The following NCKAP5 variants were observed in gnomAD, a reference collection of about 807,000 sequenced individuals.
NCKAP5 encodes the protein NCK associated protein 5.
In NCKAP5, 92 loss-of-function variants were observed where a neutral mutation model predicts 167.0. The ratio of observed to expected loss-of-function variants is 0.55; its 90% CI spans 0.47 to 0.66. NCKAP5 has a LOEUF of 0.66. Ranked by LOEUF, NCKAP5 falls within the 30% of genes least tolerant of loss-of-function variation. The pLI, the probability that NCKAP5 is intolerant of heterozygous loss-of-function variation, is 0.00. For synonymous variants in NCKAP5, 891 were observed against 877.4 expected (o/e 1.02, Z -0.27); for missense variants, 2,378 against 2,315.0 (o/e 1.03, Z -0.56).
intron 4 of NCKAP5, among the ~76,000 whole-genome samples, chr2:133,231,819 A>T (rs571140676): frequency 6.2e-4 from 94 of 152,342 alleles, no homozygotes; most frequent in Non-Finnish European, 9.8e-4. Context: ...TGTACCAAAG[A>T]TTAATAAATC....
intron 8 of NCKAP5, among the ~76,000 whole-genome samples, chr2:132,918,930 G>A (rs1171246000): frequency 6.6e-6 from 1 of 152,202 alleles, no homozygotes; most frequent in Non-Finnish European, 1.5e-5. Flanking sequence ...CAAATACCCA[G>A]TATCAAACAA....
intron 2 of NCKAP5, among the ~76,000 whole-genome samples, chr2:133,544,469 AT>A (rs1686489818): frequency 6.6e-6 from 1 of 152,102 alleles, no homozygotes; most frequent in Admixed American, 6.6e-5. Flanking sequence ...TGACAATTTG[AT>A]TTTTTCCCCA....
chr2:132,830,820 T>C (rs1687469320), intron 11 of NCKAP5, among the ~76,000 whole-genome samples: 1 of 152,218 alleles, frequency 6.6e-6, no homozygotes, highest in Non-Finnish European at 1.5e-5. Flanking sequence ...CTATACAATA[T>C]GTGAAACTAT....
chr2:132,674,401 G>C (rs1292649082), intron 19 of NCKAP5, among the ~76,000 whole-genome samples: 1 of 152,194 alleles, frequency 6.6e-6, no homozygotes, highest in Non-Finnish European at 1.5e-5. Context: ...AACAGGATTT[G>C]AATTTCTGTC....
intron 12 of NCKAP5, among the ~76,000 whole-genome samples, chr2:132,791,468 T>G (rs1254415098): frequency 6.6e-6 from 1 of 152,236 alleles, no homozygotes; most frequent in Admixed American, 6.5e-5. Context: ...AGCCACATTA[T>G]AGGCCCCTCG....
At chr2:133,652,794 A>C in the NCKAP5 span, among the ~76,000 whole-genome samples, 1 of 152,096 alleles carries the variant, frequency 6.6e-6, no homozygotes, top group Non-Finnish European at 1.5e-5. Flanking sequence ...TTATTTTATC[A>C]CTGAGTTTAG....
chr2:133,054,834 C>T (rs747473922), intron 6 of NCKAP5, among the ~76,000 whole-genome samples: 34 of 152,122 alleles, frequency 2.2e-4, no homozygotes, highest in African/African-American at 9.7e-5. Flanking sequence ...AGGAAAATCA[C>T]GAGTCATATG....
At chr2:133,228,136 G>A (rs1430171) in intron 4 of NCKAP5, among the ~76,000 whole-genome samples, 43,363 of 152,088 alleles carry the variant, frequency 0.29, 7,132 homozygotes, top group Non-Finnish European at 0.37. Flanking sequence ...TGGGAGCAGG[G>A]TCATATAGCA....
intron 11 of NCKAP5, among the ~76,000 whole-genome samples, chr2:132,858,841 A>C (rs1368522367): frequency 1.3e-5 from 2 of 152,216 alleles, no homozygotes; most frequent in African/African-American, 2.4e-5. Flanking sequence ...AAATGCTTAT[A>C]TACCCATAGC....
intron 5 of NCKAP5, among the ~76,000 whole-genome samples, chr2:133,151,592 T>C (rs529636306): frequency 2.6e-5 from 4 of 152,248 alleles, no homozygotes; most frequent in Admixed American, 1.3e-4. Context: ...ACTATTACAA[T>C]GGCCAAAATC....
intron 6 of NCKAP5, among the ~76,000 whole-genome samples, chr2:133,102,535 G>A (rs2081549531): frequency 6.6e-6 from 1 of 152,158 alleles, no homozygotes; most frequent in Non-Finnish European, 1.5e-5. Context: ...AAACCGTTTT[G>A]TTAATTAGCT....
In NCKAP5 at chr2:132,890,136, A is replaced by G. The variant is rs72614493; in HGVS notation, c.580-11220T>C. Reference sequence around the variant, plus strand: ...AGATCAGAAAAGGTATTTCTCTAAAATACCAATTCAACTCATGGTTTGGCC... The same window carrying G: ...AGATCAGAAAAGGTATTTCTCTAAAGTACCAATTCAACTCATGGTTTGGCC... On this transcript the variant is annotated intron_variant, in intron 8 of 19. Coordinates refer to ENST00000409261, the MANE Select transcript of NCKAP5 (RefSeq NM_207363.3). Among the ~76,000 whole-genome samples the G allele has an allele frequency of 0.02, 3,012 of 152,292 alleles. 151 individuals carry two copies. The East Asian group carries it at 0.22, about 11-fold the overall frequency.
At chr2:133,162,183 A>G (rs909065564) in intron 5 of NCKAP5, among the ~76,000 whole-genome samples, 19 of 152,354 alleles carry the variant, frequency 1.2e-4, no homozygotes, top group African/African-American at 4.6e-4. Context: ...TTCTACATAA[A>G]TAGGCAAAAG....
intron 3 of NCKAP5, among the ~76,000 whole-genome samples, chr2:133,324,728 T>C (rs781446359): frequency 6.6e-6 from 1 of 152,202 alleles, no homozygotes; most frequent in Non-Finnish European, 1.5e-5. Context: ...TTTTTTTTCT[T>C]TTCTTTTTTG....
At chr2:133,162,423 G>A (rs950751028) in intron 5 of NCKAP5, among the ~76,000 whole-genome samples, 5 of 152,100 alleles carry the variant, frequency 3.3e-5, no homozygotes, top group African/African-American at 1.2e-4. Context: ...ATTGATCTAT[G>A]GAAAGTAGAA....
chr2:133,606,776 G>T, the NCKAP5 span, among the ~76,000 whole-genome samples: 3 of 150,126 alleles, frequency 2.0e-5, no homozygotes, highest in African/African-American at 7.5e-5. Context: ...TTTAGCCTGA[G>T]AGCTTTTCTA....
At chr2:133,046,266 CA>C (rs1198638768) in intron 6 of NCKAP5, among the ~76,000 whole-genome samples, 1 of 152,140 alleles carries the variant, frequency 6.6e-6, no homozygotes, top group African/African-American at 2.4e-5. Flanking sequence ...TTCTGCATTC[CA>C]AAAACTCAAA....
intron 3 of NCKAP5, among the ~76,000 whole-genome samples, chr2:133,437,181 G>A (rs1477551594): frequency 8.6e-5 from 13 of 151,898 alleles, no homozygotes; most frequent in African/African-American, 2.7e-4. Context: ...GTGAAACCCC[G>A]TCTCTACTAG....
chr2:133,086,289 T>G (rs923019013), intron 6 of NCKAP5, among the ~76,000 whole-genome samples: 5 of 152,156 alleles, frequency 3.3e-5, no homozygotes, highest in Non-Finnish European at 7.4e-5. Flanking sequence ...AACAGCTATT[T>G]TTATCTGATG....
Sources: allele counts gnomAD v4.1 joint callset (sites outside exome capture counted in the v4.1 genomes callset), GRCh38; gene constraint gnomAD v4.1.1; transcripts MANE v1.5; gene names NCBI Gene and HGNC (gene_info 2026-07-23, HGNC 2026-07-21).